SPNS2: variants seen among roughly 807,000 people sequenced by gnomAD.
SPNS2 encodes SPNS lysolipid transporter 2, sphingosine-1-phosphate.
In SPNS2, 37 loss-of-function variants were observed where a neutral mutation model predicts 57.6. That is an observed-to-expected ratio of 0.64 (90% CI 0.49 to 0.85). The LOEUF (loss-of-function observed/expected upper bound fraction) is 0.85. SPNS2 is among the 40% of genes least tolerant of loss of function. SPNS2 has a pLI of 0.00. For missense variants in SPNS2, 831 were observed against 779.1 expected (o/e 1.07, Z -0.79); for synonymous variants, 440 against 346.9 (o/e 1.27, Z -2.98).
At chr17:4,533,496 C>G (rs976223432) in intron 8 of SPNS2, 64 bp downstream of exon 8, 2 of 1,486,456 alleles carry the variant, frequency 1.3e-6, no homozygotes, top group African/African-American at 1.4e-5. Flanking sequence ...GGGTCTGGAA[C>G]AGGACATTCG....
Position 4,538,721 on chromosome 17 carries a change from G to A in SPNS2, c.*1273G>A. The stretch of plus-strand genomic sequence containing the variant: ...CTTCTTGCCCCTTAGTTACTGGCTG[G>A]CTGTGGCTTCAGTGGTGTGTAAGCA... On this transcript the variant is annotated 3_prime_UTR_variant, in exon 13 of 13. Coordinates refer to ENST00000329078, the MANE Select transcript of SPNS2 (RefSeq NM_001124758.3). 3.1e-6 allele frequency: 2 copies of A among 647,180 alleles called. No homozygotes were observed. The highest frequency in any genetic ancestry group is 5.5e-6 in the Non-Finnish European group (2 of 363,834). The allele number at this position is 647,180 out of a possible 1,614,324, so 40.1% of individuals were successfully genotyped here.
intron 1 of SPNS2, among the ~76,000 whole-genome samples, chr17:4,501,185 G>T (rs1232404711): frequency 2.0e-5 from 3 of 152,188 alleles, no homozygotes; most frequent in South Asian, 2.1e-4. Context: ...CTGGGAGGAG[G>T]TCTTCCCACC....
Position 4,537,946 on chromosome 17 carries a change from C to T in SPNS2, c.*498C>T, listed in dbSNP as rs896224321. 9 of 379,968 alleles carry T rather than the reference C, an allele frequency of 2.4e-5. No homozygotes were observed. The highest frequency in any genetic ancestry group is 1.3e-4 in the South Asian group (7 of 53,218). The allele number at this position is 379,968 out of a possible 1,614,324, so 23.5% of individuals were successfully genotyped here. A position where few individuals can be genotyped will look rare whatever the true frequency, so the allele number is the denominator to read the frequency against. ...GCGGCAGTCCCGGCTTTGAGGCTCA[C>T]GCGAGGGCCTGGTATGCAGGGACCA... On this transcript the variant is annotated 3_prime_UTR_variant, in exon 13 of 13. Transcript: ENST00000329078.
rs1183212815 is a variant in SPNS2 at position 4,499,109 on chromosome 17, CGGAGCGGCGGCGCCGGCGCCGGGG to C, written c.65_88del (p.Glu22_Gly29del). On this transcript the variant is annotated inframe_deletion, in exon 1 of 13. Transcript: ENST00000329078. The surrounding 1 kb of genome is among the most constrained non-coding windows in gnomAD (Gnocchi z 5.2). ...GGCGCGGAGGAGGAGGAGGCGGACG[CGGAGCGGCGGCGCCGGCGCCGGGG>C]GGCGCAGCGAGGGGCTGGCGGTAGC... 539 of 1,092,756 alleles carry C rather than the reference CGGAGCGGCGGCGCCGGCGCCGGGG, an allele frequency of 4.9e-4. 1 individual carries two copies. Among genetic ancestry groups the C allele is most frequent in the Non-Finnish European group, 5.4e-4 (489 of 900,044 alleles). The allele number at this position is 1,092,756 out of a possible 1,614,324, so 67.7% of individuals were successfully genotyped here. A position where few individuals can be genotyped will look rare whatever the true frequency, so the allele number is the denominator to read the frequency against.
intron 2 of SPNS2, among the ~76,000 whole-genome samples, chr17:4,516,326 AAAAAAAAAAAAAAAAAAC>A (rs1246565229): frequency 1.7e-5 from 2 of 116,982 alleles, no homozygotes; most frequent in African/African-American, 6.5e-5. Flanking sequence ...CAAAAAAAAA[AAAAAAAAAAAAAAAAAAC>A]AAAAAAACCG....
At position 4,510,263 on chromosome 17, in the gene SPNS2, A is replaced by G. The variant is rs1428106497; in HGVS notation, c.371-2984A>G. On this transcript the variant is annotated intron_variant, in intron 1 of 12. Transcript: ENST00000329078. This position sits in a 1 kb window ranked among gnomAD's most constrained non-coding sequence, Gnocchi z 4.4. ...CTCTGGTCTTCTTCCTGGAGCTTGG[A>G]CTTGGACCCAAGACTGGGCGCTGGG... Among the ~76,000 whole-genome samples, 1 of 152,132 alleles carries G rather than the reference A, an allele frequency of 6.6e-6. No individual in the cohort carries two copies. Among genetic ancestry groups the G allele is most frequent in the Non-Finnish European group, 1.5e-5 (1 of 68,006 alleles).
Position 4,538,661 on chromosome 17 carries a change from TGGGG to T in SPNS2, c.*1215_*1218del. On this transcript the variant is annotated 3_prime_UTR_variant, in exon 13 of 13. Coordinates refer to ENST00000329078, the MANE Select transcript of SPNS2 (RefSeq NM_001124758.3). ...GTGGGGGGTGAGGCCTTGTGGCCAATGGGGGACCCCCCAAGAGCCAGCTTGGACA... is the reference window on the plus strand; with the variant it reads ...GTGGGGGGTGAGGCCTTGTGGCCAATGACCCCCCAAGAGCCAGCTTGGACA... 1.9e-6 allele frequency: 1 copy of T among 525,518 alleles called. No individual in the cohort carries two copies. Among genetic ancestry groups the T allele is most frequent in the Middle Eastern group, 5.2e-4 (1 of 1,916 alleles). 32.6% of individuals were successfully genotyped at this position (525,518 alleles called of 1,614,324 possible).
rs747256 is a variant in SPNS2 at position 4,536,533 on chromosome 17, A to C, written c.1607+107A>C. 0.29 allele frequency: 380,545 copies of C among 1,319,860 alleles called. 57,696 individuals carry two copies. Among genetic ancestry groups the C allele is most frequent in the Admixed American group, 0.38 (17,294 of 45,466 alleles). 81.8% of individuals were successfully genotyped at this position (1,319,860 alleles called of 1,614,324 possible). On this transcript the variant is annotated intron_variant, in intron 11 of 12. Transcript: ENST00000329078. ...GGGGCGGGGAGGGTACAGACCTCCCATGCACTCAGTGCACCCACTGGTTGC... is the reference window on the plus strand; with the variant it reads ...GGGGCGGGGAGGGTACAGACCTCCCCTGCACTCAGTGCACCCACTGGTTGC...
intron 2 of SPNS2, among the ~76,000 whole-genome samples, chr17:4,514,461 A>C (rs904212536): frequency 3.3e-5 from 5 of 152,182 alleles, no homozygotes; most frequent in African/African-American, 1.2e-4. Context: ...GAGCTCACAG[A>C]ATGCCACAGC....
intron 9 of SPNS2, among the ~76,000 whole-genome samples, chr17:4,534,589 C>T (rs1005277270): frequency 4.6e-5 from 7 of 152,016 alleles, no homozygotes; most frequent in Admixed American, 6.5e-5. Flanking sequence ...CATGGGACAG[C>T]CCGGGAGATG....
At chr17:4,509,308 T>TCCA (rs1349705382) in intron 1 of SPNS2, among the ~76,000 whole-genome samples, 1 of 152,174 alleles carries the variant, frequency 6.6e-6, no homozygotes, top group Non-Finnish European at 1.5e-5. Context: ...AGTGTCGTGG[T>TCCA]CCACGCCTGT....
chr17:4,530,839 C>T, intron 4 of SPNS2, 56 bp downstream of exon 4: 1 of 1,577,136 alleles, frequency 6.3e-7, no homozygotes, highest in Non-Finnish European at 8.6e-7. Context: ...TTCCCTTGGA[C>T]TTCTGAGTTC....
At chr17:4,518,852 G>T (rs1197113009) in intron 2 of SPNS2, among the ~76,000 whole-genome samples, 1 of 152,184 alleles carries the variant, frequency 6.6e-6, no homozygotes, top group African/African-American at 2.4e-5. Flanking sequence ...CCCTGCGGCT[G>T]TTCCCCAAAG....
At chr17:4,536,460 G>A (rs200896932) in intron 11 of SPNS2, 34 bp downstream of exon 11, 88 of 1,576,846 alleles carry the variant, frequency 5.6e-5, no homozygotes, top group African/African-American at 3.3e-4. Flanking sequence ...CTGCTGCACC[G>A]CCGGGAAGCA....
intron 2 of SPNS2, among the ~76,000 whole-genome samples, chr17:4,522,139 C>A (rs1476088021): frequency 2.0e-5 from 3 of 152,202 alleles, no homozygotes; most frequent in Admixed American, 2.0e-4. Flanking sequence ...GCAGAGATTG[C>A]AGTGAGCTGA....
intron 9 of SPNS2, among the ~76,000 whole-genome samples, chr17:4,534,672 C>T (rs533157780): frequency 1.6e-4 from 25 of 152,248 alleles, no homozygotes; most frequent in South Asian, 4.1e-4. Flanking sequence ...CGGGCGTATC[C>T]GCTTCCCCCT....
At chr17:4,536,767 T>A in intron 11 of SPNS2, 133 bp from the exon 12 acceptor site, 1 of 743,820 alleles carries the variant, frequency 1.3e-6, no homozygotes, top group Admixed American at 2.2e-5. Context: ...CTCTCCCATC[T>A]CCCCCTGGGG....
At chr17:4,517,720 C>T (rs534728207) in intron 2 of SPNS2, among the ~76,000 whole-genome samples, 3 of 152,156 alleles carry the variant, frequency 2.0e-5, no homozygotes, top group Middle Eastern at 3.4e-3. Context: ...TCAGCTGACC[C>T]TGAAGATGGG....
At chr17:4,533,700 C>T (rs962134961) in intron 8 of SPNS2, 88 bp from the exon 9 acceptor site, 39 of 1,479,752 alleles carry the variant, frequency 2.6e-5, no homozygotes, top group South Asian at 8.0e-5. Context: ...TGTGGGCTCC[C>T]TGCCAGCAGC....
Sources: allele counts gnomAD v4.1 joint callset (sites outside exome capture counted in the v4.1 genomes callset), GRCh38; gene constraint gnomAD v4.1.1; non-coding constraint Gnocchi (gnomAD v3.1); transcripts MANE v1.5; gene names NCBI Gene and HGNC (gene_info 2026-07-23, HGNC 2026-07-21).